Variants in LGSN observed in about 807,000 individuals in gnomAD.
The protein encoded by LGSN is lengsin, lens protein with glutamine synthetase domain.
In LGSN, 21 loss-of-function variants were observed where a neutral mutation model predicts 19.5. The observed-to-expected ratio is 1.07, with a 90% CI of 0.76 to 1.55. LGSN has a LOEUF of 1.55. Among genes scored for constraint, LGSN ranks in the 40% most tolerant of loss-of-function variants. The probability of loss-of-function intolerance (pLI) is 0.00; values close to 1 mark genes in which losing one functional copy is unlikely to be tolerated. For missense variants in LGSN, 673 were observed against 608.5 expected, an observed-to-expected ratio of 1.11 and a Z score of -1.12; for synonymous variants, 257 against 215.6, an observed-to-expected ratio of 1.19 and a Z score of -1.68.
the LGSN span, among the ~76,000 whole-genome samples, chr6:63,557,627 G>A: frequency 6.6e-6 from 1 of 152,074 alleles, no homozygotes; most frequent in East Asian, 1.9e-4. Context: ...AAAATTCCAG[G>A]TAAAAGGAAT....
At chr6:63,437,932 A>AT in the LGSN span, among the ~76,000 whole-genome samples, 1 of 151,596 alleles carries the variant, frequency 6.6e-6, no homozygotes, top group South Asian at 2.1e-4. Context: ...TATCTCAAAA[A>AT]ATATATATAT....
the LGSN span, among the ~76,000 whole-genome samples, chr6:63,527,435 A>T: frequency 6.6e-6 from 1 of 152,146 alleles, no homozygotes; most frequent in African/African-American, 2.4e-5. Context: ...CTACTATTTG[A>T]TGGGTCTTTC....
At chr6:63,453,340 TA>T in the LGSN span, among the ~76,000 whole-genome samples, 1 of 152,176 alleles carries the variant, frequency 6.6e-6, no homozygotes, top group East Asian at 1.9e-4. Flanking sequence ...ATTTTCTCTC[TA>T]TGTGTTCTAT....
chr6:63,477,345 A>G, the LGSN span, among the ~76,000 whole-genome samples: 1 of 152,188 alleles, frequency 6.6e-6, no homozygotes, highest in African/African-American at 2.4e-5. Flanking sequence ...ATCACATTTA[A>G]TCATTCTTCT....
chr6:63,553,018 G>T, the LGSN span, among the ~76,000 whole-genome samples: 2 of 152,118 alleles, frequency 1.3e-5, no homozygotes, highest in South Asian at 4.1e-4. Context: ...TATGATGTAG[G>T]TAGTTGCACG....
At chr6:63,552,267 A>G in the LGSN span, among the ~76,000 whole-genome samples, 2 of 151,950 alleles carry the variant, frequency 1.3e-5, no homozygotes, top group Admixed American at 1.3e-4. Flanking sequence ...TTTTATTTGC[A>G]TTTCTCTGAT....
At chr6:63,541,016 GGGAATGAAGAAAGGAA>G in the LGSN span, among the ~76,000 whole-genome samples, 2 of 129,230 alleles carry the variant, frequency 1.5e-5, no homozygotes, top group Admixed American at 8.1e-5. Flanking sequence ...AAAGGAAGGA[GGGAATGAAGAAAGGAA>G]GGAAGGAAGG....
the LGSN span, among the ~76,000 whole-genome samples, chr6:63,557,420 T>C: frequency 6.6e-6 from 1 of 151,828 alleles, no homozygotes; most frequent in Non-Finnish European, 1.5e-5. Context: ...ACAAAAATTA[T>C]CTGGTGTAGT....
chr6:63,535,805 C>T, the LGSN span, among the ~76,000 whole-genome samples: 15 of 152,236 alleles, frequency 9.9e-5, no homozygotes, highest in African/African-American at 2.6e-4. Context: ...AGGCTGGCCA[C>T]GATGGCTCAT....
the LGSN span, among the ~76,000 whole-genome samples, chr6:63,407,387 A>G: frequency 6.6e-6 from 1 of 152,336 alleles, no homozygotes; most frequent in South Asian, 2.1e-4. Flanking sequence ...ACGCAAATCA[A>G]TAAATATAAT....
At chr6:63,425,386 G>A in the LGSN span, among the ~76,000 whole-genome samples, 1 of 152,112 alleles carries the variant, frequency 6.6e-6, no homozygotes, top group Non-Finnish European at 1.5e-5. Context: ...TTCACTGGGT[G>A]AATGGATTAA....
chr6:63,537,715 A>G, the LGSN span, among the ~76,000 whole-genome samples: 1 of 152,200 alleles, frequency 6.6e-6, no homozygotes, highest in East Asian at 1.9e-4. Flanking sequence ...AACCATTAAC[A>G]CCCTTGTCAG....
At chr6:63,373,288 T>C in the LGSN span, among the ~76,000 whole-genome samples, 1 of 152,202 alleles carries the variant, frequency 6.6e-6, no homozygotes, top group South Asian at 2.1e-4. Context: ...ATGATACATG[T>C]TGATTACCAA....
chr6:63,460,279 C>T, the LGSN span, among the ~76,000 whole-genome samples: 1 of 151,786 alleles, frequency 6.6e-6, no homozygotes, highest in Non-Finnish European at 1.5e-5. Flanking sequence ...CTTTTATTAC[C>T]CTTCTACTTC....
At chr6:63,562,837 T>C in the LGSN span, among the ~76,000 whole-genome samples, 1 of 152,192 alleles carries the variant, frequency 6.6e-6, no homozygotes, top group Non-Finnish European at 1.5e-5. Flanking sequence ...TTATTTTAAG[T>C]TTCTGGTTTA....
chr6:63,466,962 AATATATAAATCAGC>A, the LGSN span, among the ~76,000 whole-genome samples: 1 of 152,206 alleles, frequency 6.6e-6, no homozygotes, highest in African/African-American at 2.4e-5. Context: ...TGAATAAAAT[AATATATAAATCAGC>A]ATATATAAAA....
the LGSN span, among the ~76,000 whole-genome samples, chr6:63,364,724 A>AT: frequency 0.13 from 19,691 of 152,152 alleles, 2,798 homozygotes; most frequent in African/African-American, 0.35. Context: ...AACAGAAATT[A>AT]CAAAAAACTG....
At chr6:63,328,493 C>G in the LGSN span, among the ~76,000 whole-genome samples, 451 of 152,334 alleles carry the variant, frequency 3.0e-3, 3 homozygotes, top group African/African-American at 0.01. Context: ...ATCATGAGTA[C>G]TCCAGACAGT....
At chr6:63,391,517 C>T in the LGSN span, among the ~76,000 whole-genome samples, 1 of 152,290 alleles carries the variant, frequency 6.6e-6, no homozygotes, top group Middle Eastern at 3.4e-3. Context: ...CTGTATCCTC[C>T]AACACTGTTC....
Sources: gnomAD v4.1 joint callset for allele counts (sites outside exome capture counted in the v4.1 genomes callset) on GRCh38, gnomAD v4.1.1 for gene constraint, MANE v1.5 for transcripts, NCBI Gene and HGNC (gene_info 2026-07-23, HGNC 2026-07-21) for gene names.